DAP3: variants seen among roughly 807,000 people sequenced by gnomAD.
The protein encoded by DAP3 is small ribosomal subunit protein mS29.
Under a neutral mutation model 51.9 loss-of-function variants are expected in DAP3, and 28 were observed. The ratio of observed to expected loss-of-function variants is 0.54; its 90% CI spans 0.40 to 0.74. DAP3 has a LOEUF of 0.74. Among genes scored for constraint, DAP3 ranks in the 30% least tolerant of loss-of-function variants. DAP3 has a pLI of 0.00. For missense variants in DAP3, 458 were observed against 483.5 expected (o/e 0.95, Z 0.49); for synonymous variants, 170 against 170.3 (o/e 1.00, Z 0.01).
At chr1:155,697,341 G>A (rs1393210640) in intron 1 of DAP3, among the ~76,000 whole-genome samples, 1 of 152,192 alleles carries the variant, frequency 6.6e-6, no homozygotes, top group Non-Finnish European at 1.5e-5. Context: ...TGTAGGTTTA[G>A]GGAGACCGGG....
At chr1:155,725,182 C>T (rs775858352) in intron 4 of DAP3, among the ~76,000 whole-genome samples, 200 bp from the exon 5 acceptor site, 2 of 152,108 alleles carry the variant, frequency 1.3e-5, no homozygotes, top group African/African-American at 2.4e-5. Context: ...TTACTTAGTG[C>T]GGAATAATGT....
chr1:155,712,247 A>G (rs931123632), intron 2 of DAP3, among the ~76,000 whole-genome samples: 48 of 152,202 alleles, frequency 3.2e-4, no homozygotes, highest in African/African-American at 1.1e-3. Flanking sequence ...AATTGTACAG[A>G]TGGTTGTTTT....
chr1:155,697,570 G>A (rs978551825), intron 1 of DAP3, among the ~76,000 whole-genome samples: 1 of 152,122 alleles, frequency 6.6e-6, no homozygotes, highest in African/African-American at 2.4e-5. Context: ...ATTTCAAAAG[G>A]GGAGGGGTGT....
chr1:155,715,273 G>C (rs1460784257), intron 2 of DAP3, among the ~76,000 whole-genome samples: 1 of 150,354 alleles, frequency 6.7e-6, no homozygotes, highest in East Asian at 2.0e-4. Flanking sequence ...TATCATCCCA[G>C]CACTTTGGGA....
rs1326935558 is a variant in DAP3, at chr1:155,721,499, T to C, written c.169-18T>C. 3 of 1,613,282 alleles carry C rather than the reference T, an allele frequency of 1.9e-6. No individual in the cohort carries two copies. Among genetic ancestry groups the C allele is most frequent in the Non-Finnish European group, 1.7e-6 (2 of 1,179,644 alleles). ...TCACTTTGTCACCATTATACCTGTT[T>C]GCACTCTTATTTCCTAGGCCAAGCA... On this transcript the variant is annotated intron_variant, in intron 3 of 12. Transcript: ENST00000368336.
intron 9 of DAP3, among the ~76,000 whole-genome samples, chr1:155,730,191 TATTC>T (rs1479252830): frequency 6.8e-6 from 1 of 147,912 alleles, no homozygotes; most frequent in Non-Finnish European, 1.5e-5. Flanking sequence ...GTATATATAA[TATTC>T]ATATATGTAT....
intron 1 of DAP3, among the ~76,000 whole-genome samples, chr1:155,702,439 C>G (rs1163578504): frequency 6.6e-6 from 1 of 151,956 alleles, no homozygotes; most frequent in Non-Finnish European, 1.5e-5. Context: ...TGAGATCACA[C>G]CAGTGCACTC....
upstream of DAP3, chr1:155,688,490 G>C (rs1457222457): frequency 1.3e-6 from 2 of 1,549,226 alleles, no homozygotes; most frequent in African/African-American, 2.7e-5. Context: ...GCCCGCACGC[G>C]TACGAGTGTC....
intron 1 of DAP3, among the ~76,000 whole-genome samples, chr1:155,703,979 C>T (rs1655648576): frequency 6.6e-6 from 1 of 152,148 alleles, no homozygotes; most frequent in Admixed American, 6.6e-5. Context: ...CAGACCCCAT[C>T]TCTGTAAAAA....
chr1:155,705,636 GAAATA>G (rs1327932076), intron 1 of DAP3, among the ~76,000 whole-genome samples: 1 of 150,446 alleles, frequency 6.6e-6, no homozygotes, highest in Non-Finnish European at 1.5e-5. Flanking sequence ...AAACAGAAAG[GAAATA>G]AAATGAAAGG....
chr1:155,688,883 T>C, upstream of DAP3: 1 of 1,611,288 alleles, frequency 6.2e-7, no homozygotes, highest in Non-Finnish European at 8.5e-7. Context: ...GGCTTGCCGT[T>C]TGACTGGAAT....
chr1:155,694,075 A>G (rs1162748665), intron 1 of DAP3, among the ~76,000 whole-genome samples: 1 of 141,878 alleles, frequency 7.0e-6, no homozygotes, highest in Non-Finnish European at 1.5e-5. Flanking sequence ...AAACTGTTAC[A>G]GTTGAACTGA....
upstream of DAP3, chr1:155,688,897 C>T: frequency 1.2e-6 from 2 of 1,612,538 alleles, no homozygotes; most frequent in Non-Finnish European, 1.7e-6. Context: ...CTGGAATTGC[C>T]AGGGTGGCCG....
At chr1:155,698,094 T>C (rs1571432620) in intron 1 of DAP3, among the ~76,000 whole-genome samples, 1 of 152,320 alleles carries the variant, frequency 6.6e-6, no homozygotes, top group East Asian at 1.9e-4. Context: ...TCCTGTTCTT[T>C]TCAAGGTGCC....
At chr1:155,701,002 T>TG (rs1241005259) in intron 1 of DAP3, among the ~76,000 whole-genome samples, 3 of 92,040 alleles carry the variant, frequency 3.3e-5, no homozygotes, top group African/African-American at 1.7e-4. Flanking sequence ...GGGAGGGAGG[T>TG]GGGGGGGTCA....
At position 155,738,379 on chromosome 1, in the gene DAP3, T is replaced by A. The variant is rs1660019245; in HGVS notation, c.*137T>A. ...GGGATTGGACAGGACTGCAGTTGGC[T>A]CTGGACCTGCATTAAAATGGGTTTC... On this transcript the variant is annotated 3_prime_UTR_variant, in exon 13 of 13. Transcript: ENST00000368336. 7 of 759,376 alleles carry A rather than the reference T, an allele frequency of 9.2e-6. No homozygotes were observed. The Admixed American group carries it at 2.2e-4, about 23-fold the overall frequency. The allele number at this position is 759,376 out of a possible 1,614,324, so 47.0% of individuals were successfully genotyped here.
chr1:155,705,434 C>CA (rs1198244103), intron 1 of DAP3, among the ~76,000 whole-genome samples: 273 of 139,744 alleles, frequency 2.0e-3, no homozygotes, highest in South Asian at 5.9e-3. Context: ...TATGTCTACC[C>CA]AAAAAAAAAA....
At chr1:155,729,990 G>A (rs1404089848) in intron 9 of DAP3, among the ~76,000 whole-genome samples, 1 of 151,524 alleles carries the variant, frequency 6.6e-6, no homozygotes, top group Admixed American at 6.6e-5. Flanking sequence ...TGAGGCAGGA[G>A]AATCGCTTGA....
chr1:155,694,767 A>G (rs1209827130), intron 1 of DAP3, among the ~76,000 whole-genome samples: 1 of 152,178 alleles, frequency 6.6e-6, no homozygotes, highest in Non-Finnish European at 1.5e-5. Context: ...CCTCTTCCCC[A>G]TGTTATATCT....
Sources: gnomAD v4.1 joint callset for allele counts (sites outside exome capture counted in the v4.1 genomes callset) on GRCh38, gnomAD v4.1.1 for gene constraint, MANE v1.5 for transcripts, NCBI Gene and HGNC (gene_info 2026-07-23, HGNC 2026-07-21) for gene names.